The following GSTP1 variants were observed in gnomAD, a reference collection of about 807,000 sequenced individuals.
GSTP1 encodes glutathione S-transferase P.
Under a neutral mutation model 29.4 loss-of-function variants are expected in GSTP1, and 28 were observed. The observed-to-expected ratio is 0.95, with a 90% CI of 0.71 to 1.30. The LOEUF (loss-of-function observed/expected upper bound fraction) is 1.30. GSTP1 is among the 50% of genes most tolerant of loss of function. The pLI is 0.00. For synonymous variants in GSTP1, 122 were observed against 117.0 expected, an observed-to-expected ratio of 1.04 and a Z score of -0.28; for missense variants, 267 against 266.1, an observed-to-expected ratio of 1.00 and a Z score of -0.02.
intron 5 of GSTP1, among the ~76,000 whole-genome samples, chr11:67,585,516 G>A (rs1867453195): frequency 6.6e-6 from 1 of 152,210 alleles, no homozygotes; most frequent in Admixed American, 6.5e-5. Flanking sequence ...ATCTCCTGGG[G>A]TGGCGAGGGC....
chr11:67,584,119 C>T lies in GSTP1; in HGVS notation c.2-15C>T, dbSNP rs781443875. 3 of 1,609,994 alleles carry T rather than the reference C, an allele frequency of 1.9e-6. No homozygotes were observed. The highest frequency in any genetic ancestry group is 2.5e-6 in the Non-Finnish European group (3 of 1,176,556). On this transcript the variant is annotated splice_polypyrimidine_tract_variant and intron_variant, in intron 1 of 6. Transcript: ENST00000398606. Reference sequence around the variant, plus strand: ...CTCCCCCGGGCTCCAGCAAACTTTTCTTTGTTCGCTGCAGTGCCGCCCTAC... The same window carrying T: ...CTCCCCCGGGCTCCAGCAAACTTTTTTTTGTTCGCTGCAGTGCCGCCCTAC...
intron 3 of GSTP1, 52 bp from the exon 4 acceptor site, chr11:67,584,633 C>T (rs1867435450): frequency 4.5e-6 from 7 of 1,570,856 alleles, no homozygotes; most frequent in Middle Eastern, 1.7e-4. Flanking sequence ...TGACTAGGAT[C>T]GGGGGACGCC....
At position 67,586,189 on chromosome 11, in the gene GSTP1, A is replaced by G. The variant is rs553211668; in HGVS notation, c.422A>G (p.Lys141Arg). The G allele has an allele frequency of 6.2e-7, 1 of 1,613,548 alleles. No homozygotes were observed. The highest frequency in any genetic ancestry group is 1.3e-5 in the African/African-American group (1 of 75,000). ...CTGCTGTCCCAGAACCAGGGAGGCA[A>G]GACCTTCATTGTGGGAGACCAGGTG... ...ETLLSQNQGG[K>R]TFIVGDQISF... is the part of the protein sequence containing the mutation. The change falls in exon 6 of 7, where the codon AAG (lysine) becomes AGG (arginine). Residue 141 changes from lysine to arginine, a missense_variant. By Grantham distance (26) the Lys-to-Arg change is conservative. Transcript: ENST00000398606.
At chr11:67,584,088 G>A in intron 1 of GSTP1, 46 bp from the exon 2 acceptor site, 2 of 1,541,532 alleles carry the variant, frequency 1.3e-6, no homozygotes, top group African/African-American at 2.7e-5. Context: ...ACCGCGCCTT[G>A]GCATCCTCCC....
At chr11:67,585,810 G>A (rs1867458554) in intron 5 of GSTP1, among the ~76,000 whole-genome samples, 1 of 152,094 alleles carries the variant, frequency 6.6e-6, no homozygotes, top group Non-Finnish European at 1.5e-5. Flanking sequence ...GGCAATGGGG[G>A]CCATTGAGAA....
intron 5 of GSTP1, among the ~76,000 whole-genome samples, chr11:67,585,763 C>T (rs911433345): frequency 1.3e-5 from 2 of 151,920 alleles, no homozygotes; most frequent in Admixed American, 1.3e-4. Context: ...GCCCAGGTCC[C>T]GAAGGCCTTG....
intron 2 of GSTP1, 36 bp from the exon 3 acceptor site, chr11:67,584,428 C>A: frequency 8.2e-7 from 1 of 1,224,544 alleles, no homozygotes; most frequent in Non-Finnish European, 1.1e-6. Flanking sequence ...CGGAGTCGGC[C>A]CGGTCCCCAC....
chr11:67,584,631 A>G (rs1867435412), intron 3 of GSTP1, 54 bp from the exon 4 acceptor site: 2 of 1,574,398 alleles, frequency 1.3e-6, no homozygotes, highest in African/African-American at 2.7e-5. Context: ...TGTGACTAGG[A>G]TCGGGGGACG....
intron 5 of GSTP1, 72 bp from the exon 6 acceptor site, chr11:67,586,032 C>A: frequency 8.8e-7 from 1 of 1,132,278 alleles, no homozygotes; most frequent in Non-Finnish European, 1.3e-6. Flanking sequence ...TGGTGTCTGG[C>A]CTGGGGCAGA....
At position 67,586,375 on chromosome 11, in the gene GSTP1, C is replaced by T. The variant is rs1319279171; in HGVS notation, c.445-14C>T. On this transcript the variant is annotated splice_polypyrimidine_tract_variant and intron_variant, in intron 6 of 6. Coordinates refer to ENST00000398606, the MANE Select transcript of GSTP1 (RefSeq NM_000852.4). Reference sequence around the variant, plus strand: ...GCTCCCGCTGGCTGAGTCCCTGGCCCCCCTGCCCTGCAGATCTCCTTCGCT... The same window carrying T: ...GCTCCCGCTGGCTGAGTCCCTGGCCTCCCTGCCCTGCAGATCTCCTTCGCT... 1 of 1,606,998 alleles carries T rather than the reference C, an allele frequency of 6.2e-7. No homozygotes were observed. Among genetic ancestry groups the T allele is most frequent in the Non-Finnish European group, 8.5e-7 (1 of 1,175,460 alleles).
intron 5 of GSTP1, 72 bp downstream of exon 5, chr11:67,585,313 T>G: frequency 9.3e-7 from 1 of 1,077,258 alleles, no homozygotes; most frequent in South Asian, 1.4e-5. Context: ...CTCACCCCCC[T>G]TACCCCTCAG....
intron 1 of GSTP1, 87 bp from the exon 2 acceptor site, chr11:67,584,047 C>T (rs893647338): frequency 1.0e-6 from 1 of 953,316 alleles, no homozygotes; most frequent in Non-Finnish European, 1.5e-6. Flanking sequence ...GATGGGACCC[C>T]GGGGGCGGGG....
Position 67,586,464 on chromosome 11 carries a change from T to C in GSTP1, c.520T>C (p.Phe174Leu), listed in dbSNP as rs768896121. ...EVLAPGCLDA[F>L]PLLSAYVGRL... The stretch of plus-strand genomic sequence containing the variant: ...CCTAGCCCCTGGCTGCCTGGATGCG[T>C]TCCCCCTGCTCTCAGCATATGTGGG... The change falls in exon 7 of 7, where the codon TTC becomes CTC. Residue 174 changes from phenylalanine (F) to leucine (L), a missense_variant. Phe to Leu is a conservative substitution (Grantham distance 22). Transcript: ENST00000398606. The C allele has an allele frequency of 9.9e-6, 16 of 1,614,178 alleles. No individual in the cohort carries two copies. The highest frequency in any genetic ancestry group is 1.2e-5 in the Non-Finnish European group (14 of 1,180,008).
chr11:67,584,801 A>C, intron 4 of GSTP1, 29 bp downstream of exon 4: 1 of 1,503,308 alleles, frequency 6.7e-7, no homozygotes, highest in Non-Finnish European at 9.3e-7. Context: ...AGTCCAGGGC[A>C]GGCATGGGCA....
chr11:67,585,224 C>T lies in GSTP1; in HGVS notation c.319C>T (p.Leu107Phe), dbSNP rs749618287. The T allele has an allele frequency of 1.4e-5, 23 of 1,597,550 alleles. No individual in the cohort carries two copies. Among genetic ancestry groups the T allele is most frequent in the Admixed American group, 1.0e-4 (6 of 59,376 alleles). ...GGACCTCCGCTGCAAATACATCTCC[C>T]TCATCTACACCAACTATGTGAGCAT... ...VEDLRCKYIS[L>F]IYTNYEAGKD... The change falls in exon 5 of 7, where the codon CTC becomes TTC. Residue 107 changes from leucine (L) to phenylalanine (F), a missense_variant. By Grantham distance (22) the Leu-to-Phe change is conservative. Coordinates refer to ENST00000398606, the MANE Select transcript of GSTP1 (RefSeq NM_000852.4).
At chr11:67,584,108 A>G (rs1395502270) in intron 1 of GSTP1, 26 bp from the exon 2 acceptor site, 1 of 1,603,506 alleles carries the variant, frequency 6.2e-7, no homozygotes, top group Non-Finnish European at 8.5e-7. Flanking sequence ...CCCGGGCTCC[A>G]GCAAACTTTT....
Position 67,585,038 on chromosome 11 carries a change from G to A in GSTP1, c.233-100G>A, listed in dbSNP as rs1867442133. On this transcript the variant is annotated intron_variant, in intron 4 of 6. Transcript: ENST00000398606. Reference sequence around the variant, plus strand: ...GCACATCCTCTTCCCCTCCTCCCAGGCTGGGGCTCACAGACAGCCCCCTGG... The same window carrying A: ...GCACATCCTCTTCCCCTCCTCCCAGACTGGGGCTCACAGACAGCCCCCTGG... 5 of 738,604 alleles carry A rather than the reference G, an allele frequency of 6.8e-6. No individual in the cohort carries two copies. In the Admixed American group the frequency reaches 9.0e-5, roughly 13 times the overall value. The allele number at this position is 738,604 out of a possible 1,614,324, so 45.8% of individuals were successfully genotyped here.
intron 4 of GSTP1, 112 bp downstream of exon 4, chr11:67,584,884 C>T: frequency 1.2e-6 from 1 of 851,264 alleles, no homozygotes; most frequent in Admixed American, 2.1e-5. Context: ...AAACTGAGAC[C>T]CACTGAGGTT....
chr11:67,583,831 AGT>A lies in GSTP1; in HGVS notation c.-12_-11del, dbSNP rs780278952. The A allele has an allele frequency of 2.7e-6, 2 of 746,676 alleles. No individual in the cohort carries two copies. The highest frequency in any genetic ancestry group is 4.9e-6 in the Non-Finnish European group (2 of 405,190). 46.3% of individuals were successfully genotyped at this position (746,676 alleles called of 1,614,324 possible). ...GCCTTCGCTGGAGTTTCGCCGCCGC[AGT>A]CTTCGCCACCAGTGAGTACGCGCGG... is the stretch of plus-strand genomic sequence containing the variant. On this transcript the variant is annotated 5_prime_UTR_variant, in exon 1 of 7. Coordinates refer to ENST00000398606, the MANE Select transcript of GSTP1 (RefSeq NM_000852.4).
Sources: allele counts gnomAD v4.1 joint callset (sites outside exome capture counted in the v4.1 genomes callset), GRCh38; gene constraint gnomAD v4.1.1; transcripts MANE v1.5; gene names NCBI Gene and HGNC (gene_info 2026-07-23, HGNC 2026-07-21).